STKLD1: variants seen among roughly 807,000 people sequenced by gnomAD.
STKLD1 encodes the protein serine/threonine kinase-like domain-containing protein STKLD1.
STKLD1 carries 79 observed loss-of-function variants against 80.4 expected under a neutral mutation model. The ratio of observed to expected loss-of-function variants is 0.98; its 90% confidence interval spans 0.82 to 1.19. The LOEUF is 1.19. STKLD1 is among the 50% of genes most tolerant of loss of function. STKLD1 has a pLI of 0.00. For missense variants in STKLD1, 841 were observed against 856.0 expected, an observed-to-expected ratio of 0.98 and a Z score of 0.22; for synonymous variants, 393 against 357.6, an observed-to-expected ratio of 1.10 and a Z score of -1.12.
Position 133,390,747 on chromosome 9 carries a change from C to A in STKLD1, c.534C>A (p.Ser178=). The A allele has an allele frequency of 6.2e-7, 1 of 1,613,872 alleles. No individual in the cohort carries two copies. The highest frequency in any genetic ancestry group is 8.5e-7 in the Non-Finnish European group (1 of 1,179,962). ...ACTGCAAACTGCAGGACCTGAGTTC[C>A]AATGTGCTAATGACAGACAAAGCCA... ...SDHCKLQDLS[S]NVLMTDKAKW... is the part of the protein sequence containing the mutation. The change falls in exon 7 of 18, where the codon TCC becomes TCA. Residue 178 remains serine (S), a synonymous_variant. Coordinates refer to ENST00000371957, the MANE Select transcript of STKLD1 (RefSeq NM_153710.5). The surrounding 1 kb of genome is among the most constrained non-coding windows in gnomAD (Gnocchi z 5.1).
Position 133,404,901 on chromosome 9 carries a change from C to T in STKLD1, c.1845C>T (p.Gly615=), listed in dbSNP as rs1337619643. 1 of 1,613,342 alleles carries T rather than the reference C, an allele frequency of 6.2e-7. No homozygotes were observed. Among genetic ancestry groups the T allele is most frequent in the East Asian group, 2.2e-5 (1 of 44,858 alleles). Residue 615 remains glycine, a synonymous_variant, in exon 17 of 18, where the codon GGC becomes GGT. Transcript: ENST00000371957. ...RDDPEVVENV[G]MLLVHLASYE... The stretch of plus-strand genomic sequence containing the variant: ...ACCCGGAGGTGGTGGAGAACGTGGG[C>T]ATGCTGCTGGTCCACCTGGCTTCCT...
intron 7 of STKLD1, among the ~76,000 whole-genome samples, chr9:133,392,740 T>TGGAC (rs1428394268): frequency 0.02 from 1,482 of 74,728 alleles, 125 homozygotes; most frequent in Middle Eastern, 0.024. Context: ...GATGGATGGA[T>TGGAC]GGATGGATAG....
rs1403402605 is a variant in STKLD1 at position 133,392,735 on chromosome 9, A to G, written c.584-1556A>G. Among the ~76,000 whole-genome samples, 30 of 61,004 alleles carry G rather than the reference A, an allele frequency of 4.9e-4. No homozygotes were observed. In the South Asian group the frequency reaches 6.0e-3, roughly 12 times the overall value. 40.0% of individuals were successfully genotyped at this position (61,004 alleles called of 152,430 possible). On this transcript the variant is annotated intron_variant, in intron 7 of 17. Transcript: ENST00000371957. Reference sequence around the variant, plus strand: ...GATGGATGAGTGGATGGATGGATGGATGGATGGATGGATAGGAGGGTGGGT... The same window carrying G: ...GATGGATGAGTGGATGGATGGATGGGTGGATGGATGGATAGGAGGGTGGGT...
At position 133,385,784 on chromosome 9, in the gene STKLD1, T is replaced by C. The variant is rs1448277666; in HGVS notation, c.294+93T>C. 2 of 1,164,766 alleles carry C rather than the reference T, an allele frequency of 1.7e-6. No homozygotes were observed. Among genetic ancestry groups the C allele is most frequent in the East Asian group, 2.4e-5 (1 of 42,324 alleles). The allele number at this position is 1,164,766 out of a possible 1,614,324, so 72.2% of individuals were successfully genotyped here. A position where few individuals can be genotyped will look rare whatever the true frequency, so the allele number is the denominator to read the frequency against. ...CCCAGAGCACGCCCACCCCCCACTG[T>C]CAGAATAGCTCGTGTGGCAATGGCA... On this transcript the variant is annotated intron_variant, in intron 4 of 17. Transcript: ENST00000371957. This position sits in a 1 kb window ranked among gnomAD's most constrained non-coding sequence, Gnocchi z 4.9.
At position 133,389,619 on chromosome 9, in the gene STKLD1, G is replaced by A. The variant is rs1838338619; in HGVS notation, c.467+23G>A. 2 of 1,613,040 alleles carry A rather than the reference G, an allele frequency of 1.2e-6. No homozygotes were observed. Among genetic ancestry groups the A allele is most frequent in the Non-Finnish European group, 1.7e-6 (2 of 1,179,686 alleles). On this transcript the variant is annotated intron_variant, in intron 6 of 17. Coordinates refer to ENST00000371957, the MANE Select transcript of STKLD1 (RefSeq NM_153710.5). The surrounding 1 kb of genome is among the most constrained non-coding windows in gnomAD (Gnocchi z 6.4). ...CAGGTAAGTGGGGCCCCTGACCTCT[G>A]CGGACTGGCTGGCTGCTTCGGGAGA...
intron 4 of STKLD1, 148 bp from the exon 5 acceptor site, chr9:133,387,299 C>A (rs1036432969): frequency 1.6e-6 from 1 of 608,460 alleles, no homozygotes; most frequent in Admixed American, 2.9e-5. Flanking sequence ...GAAGGTGGGG[C>A]AGGAGGGGCT....
chr9:133,401,705 C>T (rs372521952), intron 12 of STKLD1, 33 bp from the exon 13 acceptor site: 4 of 1,598,424 alleles, frequency 2.5e-6, no homozygotes, highest in Middle Eastern at 3.6e-4. Context: ...AGCTGTGGGG[C>T]TAACCCCAGG....
chr9:133,388,305 G>C (rs1398081343), intron 5 of STKLD1, among the ~76,000 whole-genome samples: 1 of 152,140 alleles, frequency 6.6e-6, no homozygotes, highest in Admixed American at 6.5e-5. Context: ...CTGGAGTGCA[G>C]TGGCACGACC....
chr9:133,376,502 GC>G lies in STKLD1; in HGVS notation c.33del (p.Thr12ArgfsTer23). On this transcript the variant is annotated frameshift_variant, in exon 1 of 18. Coordinates refer to ENST00000371957, the MANE Select transcript of STKLD1 (RefSeq NM_153710.5). LOFTEE classifies it high-confidence loss of function. MLGPGSNRR[R>X]PTQGERGPGS... ...CTTGGGCCAGGGTCCAATCGCAGGC[GC>G]CCCACGCAGGGGGAGCGAGGCCCAG... 2 of 1,597,708 alleles carry G rather than the reference GC, an allele frequency of 1.3e-6. No individual in the cohort carries two copies. Among genetic ancestry groups the G allele is most frequent in the South Asian group, 1.1e-5 (1 of 88,402 alleles).
chr9:133,383,349 G>A (rs1233080208), intron 2 of STKLD1, among the ~76,000 whole-genome samples: 7 of 105,100 alleles, frequency 6.7e-5, no homozygotes, highest in African/African-American at 2.1e-4. Context: ...TGGTGATGAT[G>A]GTAATGATGG....
In STKLD1 at chr9:133,389,707, C is replaced by T. The variant is rs2130284921; in HGVS notation, c.467+111C>T. ...GCAGGATCTGGGGAGAAAGGTGCAC[C>T]GGGCCAGTGCAGCCAGGATAGGATG... On this transcript the variant is annotated intron_variant, in intron 6 of 17. Transcript: ENST00000371957. The surrounding 1 kb of genome is among the most constrained non-coding windows in gnomAD (Gnocchi z 6.4). The T allele has an allele frequency of 1.1e-5, 17 of 1,509,032 alleles. No individual in the cohort carries two copies. In the African/African-American group the frequency reaches 1.2e-4, roughly 11 times the overall value. The allele number at this position is 1,509,032 out of a possible 1,614,324, so 93.5% of individuals were successfully genotyped here. A position where few individuals can be genotyped will look rare whatever the true frequency, so the allele number is the denominator to read the frequency against.
intron 1 of STKLD1, among the ~76,000 whole-genome samples, chr9:133,376,923 C>T (rs2130252183): frequency 6.6e-6 from 1 of 152,306 alleles, no homozygotes; most frequent in Non-Finnish European, 1.5e-5. Context: ...AAAAACACCC[C>T]TGCAGCGTGG....
intron 1 of STKLD1, among the ~76,000 whole-genome samples, chr9:133,376,857 C>G (rs2130251889): frequency 5.9e-5 from 9 of 152,286 alleles, no homozygotes; most frequent in African/African-American, 2.2e-4. Context: ...TTGGGTCCAC[C>G]GAGGCAGGAC....
intron 2 of STKLD1, 124 bp from the exon 3 acceptor site, chr9:133,383,731 AT>A: frequency 2.4e-6 from 2 of 829,938 alleles, no homozygotes; most frequent in South Asian, 2.8e-5. Context: ...AATGATGGTG[AT>A]GGTTGTGGTG....
chr9:133,405,217 A>G (rs28449682), intron 17 of STKLD1, 35 bp from the exon 18 acceptor site: 131,142 of 1,565,214 alleles, frequency 0.084, 6,302 homozygotes, highest in African/African-American at 0.18. Flanking sequence ...CACAGGAAGG[A>G]CTCTGGCCTC....
chr9:133,401,793 C>G lies in STKLD1; in HGVS notation c.1254C>G (p.Thr418=), dbSNP rs782074801. The part of the protein sequence containing the change: ...KAPCNQAITS[T]LLSALQSHPE... ...CCTGCAACCAAGCCATCACCTCCACCCTGCTGAGTGCTCTTCAGAGCCACC... is the reference window on the plus strand; with the variant it reads ...CCTGCAACCAAGCCATCACCTCCACGCTGCTGAGTGCTCTTCAGAGCCACC... Residue 418 remains threonine (T), a synonymous_variant, in exon 13 of 18, where the codon ACC becomes ACG. Transcript: ENST00000371957. 1.1e-5 allele frequency: 17 copies of G among 1,613,686 alleles called. No individual in the cohort carries two copies. Among genetic ancestry groups the G allele is most frequent in the Admixed American group, 1.7e-5 (1 of 60,010 alleles).
rs2130283833 is a variant in STKLD1, at chr9:133,389,337, C to T, written c.397-189C>T. On this transcript the variant is annotated intron_variant, in intron 5 of 17. Coordinates refer to ENST00000371957, the MANE Select transcript of STKLD1 (RefSeq NM_153710.5). The surrounding 1 kb of genome is among the most constrained non-coding windows in gnomAD (Gnocchi z 6.4). ...AACTCAGAGTCCTTCTGGCTGCCGC[C>T]GCGGCTTTACCATCTGGAGAGCCAC... 13 of 985,192 alleles carry T rather than the reference C, an allele frequency of 1.3e-5. No homozygotes were observed. Among genetic ancestry groups the T allele is most frequent in the East Asian group, 1.1e-4 (1 of 8,804 alleles). The allele number at this position is 985,192 out of a possible 1,614,324, so 61.0% of individuals were successfully genotyped here. A position where few individuals can be genotyped will look rare whatever the true frequency, so the allele number is the denominator to read the frequency against.
intron 1 of STKLD1, among the ~76,000 whole-genome samples, chr9:133,377,954 T>C (rs913285240): frequency 6.6e-6 from 1 of 152,182 alleles, no homozygotes; most frequent in Admixed American, 6.5e-5. Context: ...TTGTTTCTCA[T>C]AAGGAGCATG....
rs1838369593 is a variant in STKLD1, at chr9:133,390,644, C to T, written c.468-37C>T. 3 of 1,568,166 alleles carry T rather than the reference C, an allele frequency of 1.9e-6. No individual in the cohort carries two copies. The highest frequency in any genetic ancestry group is 2.6e-6 in the Non-Finnish European group (3 of 1,139,630). On this transcript the variant is annotated intron_variant, in intron 6 of 17. Coordinates refer to ENST00000371957, the MANE Select transcript of STKLD1 (RefSeq NM_153710.5). The surrounding 1 kb of genome is among the most constrained non-coding windows in gnomAD (Gnocchi z 5.1). ...TGGGTGGTGGCTGCCCAGGTGGCCC[C>T]TTGGCATCCAGAGGCAAACCCACCT... is the stretch of plus-strand genomic sequence containing the variant.
Sources: gnomAD v4.1 joint callset for allele counts (sites outside exome capture counted in the v4.1 genomes callset) on GRCh38, gnomAD v4.1.1 for gene constraint, Gnocchi (gnomAD v3.1) non-coding constraint, MANE v1.5 for transcripts, NCBI Gene and HGNC (gene_info 2026-07-23, HGNC 2026-07-21) for gene names.